Variants in FOXI3 observed in about 807,000 individuals in gnomAD.
The protein encoded by FOXI3 is forkhead box protein I3.
In FOXI3, 4 loss-of-function variants were observed where a neutral mutation model predicts 15.6. That is an observed-to-expected ratio of 0.26 (90% CI 0.13 to 0.59). The LOEUF (loss-of-function observed/expected upper bound fraction) is 0.59, where lower values mean the gene tolerates loss of function less well. Among genes scored for constraint, FOXI3 ranks in the 20% least tolerant of loss-of-function variants. The pLI is 0.90. For missense variants in FOXI3, 489 were observed against 548.2 expected, an observed-to-expected ratio of 0.89 and a Z score of 1.08; for synonymous variants, 238 against 244.4, an observed-to-expected ratio of 0.97 and a Z score of 0.25.
chr2:88,450,454 T>C (rs1244938498), intron 1 of FOXI3, among the ~76,000 whole-genome samples: 1 of 151,908 alleles, frequency 6.6e-6, no homozygotes, highest in Non-Finnish European at 1.5e-5. Flanking sequence ...TCAGCATTCT[T>C]AACTAACCAC....
Position 88,452,563 on chromosome 2 carries a change from G to A in FOXI3, c.-28C>T. On this transcript the variant is annotated 5_prime_UTR_variant, in exon 1 of 2. Coordinates refer to ENST00000428390, the MANE Select transcript of FOXI3 (RefSeq NM_001135649.3). The stretch of plus-strand genomic sequence containing the variant: ...CGGCGGCCGTGGGCGGCTGCGGCGC[G>A]GCCGCGGCGAGGGGCGAGCGGGGCT... The A allele has an allele frequency of 9.3e-7, 1 of 1,073,400 alleles. No homozygotes were observed. The highest frequency in any genetic ancestry group is 4.4e-5 in the South Asian group (1 of 22,890). 66.5% of individuals were successfully genotyped at this position (1,073,400 alleles called of 1,614,324 possible).
At chr2:88,450,441 A>C (rs1166618756) in intron 1 of FOXI3, among the ~76,000 whole-genome samples, 2 of 150,076 alleles carry the variant, frequency 1.3e-5, no homozygotes, top group Non-Finnish European at 3.0e-5. Flanking sequence ...AAAAAAAAAA[A>C]CCTCAGCATT....
Position 88,448,343 on chromosome 2 carries a change from G to C in FOXI3, c.1127C>G (p.Thr376Ser). Reference sequence around the variant, plus strand: ...GCTGTAATAGGAAGATCTCTGGCCGGTGCTATTGCTGGTGCTATTGCTCAG... The same window carrying C: ...GCTGTAATAGGAAGATCTCTGGCCGCTGCTATTGCTGGTGCTATTGCTCAG... ...LQLSNSTSNSTGQRSSYYSPF... is the reference protein window; with the variant it reads ...LQLSNSTSNSSGQRSSYYSPF... The change falls in exon 2 of 2, where the codon ACC (threonine) becomes AGC (serine). Residue 376 changes from threonine (T) to serine (S), a missense_variant. Thr to Ser is a moderately conservative substitution (Grantham distance 58). Around this residue, in one of 3 missense-constraint regions of FOXI3, gnomAD observed 263 missense variants for 285.5 expected, o/e 0.92. Coordinates refer to ENST00000428390, the MANE Select transcript of FOXI3 (RefSeq NM_001135649.3). 6.4e-7 allele frequency: 1 copy of C among 1,551,636 alleles called. No individual in the cohort carries two copies.
At position 88,452,384 on chromosome 2, in the gene FOXI3, T is replaced by A. The variant is rs1676067748; in HGVS notation, c.152A>T (p.Asn51Ile). 1.0e-6 allele frequency: 1 copy of A among 986,854 alleles called. No individual in the cohort carries two copies. 61.1% of individuals were successfully genotyped at this position (986,854 alleles called of 1,614,324 possible). ...GGGCCCGTTGAGCCACAGGTAGGGG[T>A]TGGCGGCGGCGGCCGGCGGCGCGGC... ...DYAAPPAAAA[N>I]PYLWLNGPGV... The change falls in exon 1 of 2, where the codon AAC becomes ATC. Residue 51 changes from asparagine (N) to isoleucine (I), a missense_variant. Coordinates refer to ENST00000428390, the MANE Select transcript of FOXI3 (RefSeq NM_001135649.3).
Position 88,452,590 on chromosome 2 carries a change from G to T in FOXI3, c.-55C>A. 1 of 1,023,560 alleles carries T rather than the reference G, an allele frequency of 9.8e-7. No individual in the cohort carries two copies. The highest frequency in any genetic ancestry group is 1.7e-5 in the African/African-American group (1 of 57,914). The allele number at this position is 1,023,560 out of a possible 1,614,324, so 63.4% of individuals were successfully genotyped here. The stretch of plus-strand genomic sequence containing the variant: ...CCGCGGCGAGGGGCGAGCGGGGCTG[G>T]TCTCGCCGCTCGGGCGAGAGCATCC... On this transcript the variant is annotated 5_prime_UTR_variant, in exon 1 of 2. Coordinates refer to ENST00000428390, the MANE Select transcript of FOXI3 (RefSeq NM_001135649.3).
rs904087444 is a variant in FOXI3, at chr2:88,451,753, G to A, written c.640+143C>T. 1.2e-5 allele frequency: 14 copies of A among 1,209,992 alleles called. No homozygotes were observed. In the African/African-American group the frequency reaches 2.1e-4, roughly 19 times the overall value. 75.0% of individuals were successfully genotyped at this position (1,209,992 alleles called of 1,614,324 possible). On this transcript the variant is annotated intron_variant, in intron 1 of 1. Coordinates refer to ENST00000428390, the MANE Select transcript of FOXI3 (RefSeq NM_001135649.3). Reference sequence around the variant, plus strand: ...CTTCCCTTTGTCCTCTGGGTTGGGTGGTTATTCCTCCATCCGCTCCCACCC... The same window carrying A: ...CTTCCCTTTGTCCTCTGGGTTGGGTAGTTATTCCTCCATCCGCTCCCACCC...
chr2:88,446,944 C>G lies in FOXI3; in HGVS notation c.*1263G>C, dbSNP rs1675947037. The G allele has an allele frequency of 6.6e-6, 1 of 152,220 alleles. No homozygotes were observed. The highest frequency in any genetic ancestry group is 1.5e-5 in the Non-Finnish European group (1 of 68,054). 9.4% of individuals were successfully genotyped at this position (152,220 alleles called of 1,614,324 possible). On this transcript the variant is annotated 3_prime_UTR_variant, in exon 2 of 2. Transcript: ENST00000428390. ...GAAGTTACAAGCACCAGCTCTGGAA[C>G]CAGATTGTCTGGGTCTGATCCTGGC...
In FOXI3 at chr2:88,452,340, A is replaced by C; in HGVS notation, c.196T>G (p.Ser66Ala). 1 of 981,462 alleles carries C rather than the reference A, an allele frequency of 1.0e-6. No homozygotes were observed. Among genetic ancestry groups the C allele is most frequent in the Non-Finnish European group, 1.2e-6 (1 of 829,722 alleles). The allele number at this position is 981,462 out of a possible 1,614,324, so 60.8% of individuals were successfully genotyped here. Residue 66 changes from serine (S) to alanine (A), a missense_variant, in exon 1 of 2, where the codon TCC (serine) becomes GCC (alanine). Ser to Ala is a moderately conservative substitution (Grantham distance 99, BLOSUM62 1). Transcript: ENST00000428390. ...LNGPGVGGPP[S>A]AAAAAAAAYL... ...GCGGCGGCGGCTGCGGCGGCGGCGG[A>C]GGGCGGGCCTCCCACGCCGGGCCCG... is the stretch of plus-strand genomic sequence containing the variant.
In FOXI3 at chr2:88,452,277, C is replaced by T; in HGVS notation, c.259G>A (p.Ala87Thr). 4.1e-6 allele frequency: 4 copies of T among 984,910 alleles called. No homozygotes were observed. Among genetic ancestry groups the T allele is most frequent in the Non-Finnish European group, 4.8e-6 (4 of 831,048 alleles). The allele number at this position is 984,910 out of a possible 1,614,324, so 61.0% of individuals were successfully genotyped here. Reference sequence around the variant, plus strand: ...GGCTGCAGAAAGGGCCCGGCCGCGGCCCCGGGGGGCGGCGGCGGCGGCGGA... The same window carrying T: ...GGCTGCAGAAAGGGCCCGGCCGCGGTCCCGGGGGGCGGCGGCGGCGGCGGA... ...GAPPPPPPPG[A>T]AAGPFLQPPP... The change falls in exon 1 of 2, where the codon GCC becomes ACC. Residue 87 changes from alanine (A) to threonine (T), a missense_variant. Physicochemically the swap from Ala to Thr is moderately conservative, Grantham distance 58. Transcript: ENST00000428390.
At position 88,452,179 on chromosome 2, in the gene FOXI3, C is replaced by T. The variant is rs1045023563; in HGVS notation, c.357G>A (p.Ser119=). 2.3e-6 allele frequency: 3 copies of T among 1,278,636 alleles called. No homozygotes were observed. Among genetic ancestry groups the T allele is most frequent in the Non-Finnish European group, 2.0e-6 (2 of 1,016,226 alleles). 79.2% of individuals were successfully genotyped at this position (1,278,636 alleles called of 1,614,324 possible). ...FAQPAPAAPA[S]PAAPAGPGEL... The stretch of plus-strand genomic sequence containing the variant: ...CCCCGGGCCCCGCGGGCGCGGCGGG[C>T]GAGGCGGGCGCGGCGGGCGCGGGCT... The change falls in exon 1 of 2, where the codon TCG becomes TCA. Residue 119 remains serine (S), a synonymous_variant. Transcript: ENST00000428390.
chr2:88,452,119 G>C lies in FOXI3; in HGVS notation c.417C>G (p.Asp139Glu), dbSNP rs1338033106. 6.4e-7 allele frequency: 1 copy of C among 1,552,044 alleles called. No homozygotes were observed. Among genetic ancestry groups the C allele is most frequent in the Non-Finnish European group, 8.7e-7 (1 of 1,147,900 alleles). ...LGWLSMASRE[D>E]LMKMVRPPYS... ...AGGGCGGCCGCACCATCTTCATCAG[G>C]TCCTCGCGGCTGGCCATGGACAGCC... The change falls in exon 1 of 2, where the codon GAC becomes GAG. Residue 139 changes from aspartate to glutamate, a missense_variant. Asp to Glu is a conservative substitution (Grantham distance 45). Around this residue, in one of 3 missense-constraint regions of FOXI3, gnomAD observed 224 missense variants for 245.7 expected, o/e 0.91. Transcript: ENST00000428390.
In FOXI3 at chr2:88,452,664, G is replaced by A. The variant is rs1041193847; in HGVS notation, c.-129C>T. 4 of 463,502 alleles carry A rather than the reference G, an allele frequency of 8.6e-6. No individual in the cohort carries two copies. The highest frequency in any genetic ancestry group is 4.2e-5 in the African/African-American group (2 of 47,130). 28.7% of individuals were successfully genotyped at this position (463,502 alleles called of 1,614,324 possible). On this transcript the variant is annotated 5_prime_UTR_variant, in exon 1 of 2. Transcript: ENST00000428390. ...CCGCCTTCACCCGCGCTGGGCGCCC[G>A]GTGCTCCGGGCCGGGGTCGGGCGGG... is the stretch of plus-strand genomic sequence containing the variant.
rs753972042 is a variant in FOXI3 at position 88,448,232 on chromosome 2, T to C, written c.1238A>G (p.Tyr413Cys). 9.0e-6 allele frequency: 14 copies of C among 1,551,166 alleles called. No homozygotes were observed. The African/African-American group carries it at 1.2e-4, about 14-fold the overall frequency. ...CTACACCTCGGAGCCCTCTCGGGGG[T>C]AGATGAGGCTGTTCACCATGCTAAA... ...HNFSMVNSLIYPREGSEV is the reference protein window; with the variant it reads ...HNFSMVNSLICPREGSEV The change falls in exon 2 of 2, where the codon TAC (tyrosine) becomes TGC (cysteine). Residue 413 changes from tyrosine to cysteine, a missense_variant. By Grantham distance (194) the Tyr-to-Cys change is radical. This residue lies in a region of FOXI3 where 263 missense variants were observed against 285.5 expected (regional missense o/e 0.92). Transcript: ENST00000428390.
chr2:88,450,748 T>C (rs1676031362), intron 1 of FOXI3, among the ~76,000 whole-genome samples: 1 of 152,124 alleles, frequency 6.6e-6, no homozygotes, highest in African/African-American at 2.4e-5. Flanking sequence ...CAGTAGCCAC[T>C]AGCCACGCAT....
Position 88,448,734 on chromosome 2 carries a change from T to C in FOXI3, c.736A>G (p.Asn246Asp), listed in dbSNP as rs1675992824. 2 of 1,551,972 alleles carry C rather than the reference T, an allele frequency of 1.3e-6. No homozygotes were observed. The highest frequency in any genetic ancestry group is 2.4e-5 in the East Asian group (1 of 40,916). Residue 246 changes from asparagine to aspartate, a missense_variant, in exon 2 of 2, where the codon AAT (asparagine) becomes GAT (aspartate). Coordinates refer to ENST00000428390, the MANE Select transcript of FOXI3 (RefSeq NM_001135649.3). ...GTCCCAGCAGCCACTGTGGAGCCAT[T>C]GCTGGCCTCAGAGCGGCGCTTTCGC... ...RKRKRRSEAS[N>D]GSTVAAGTSK... is the part of the protein sequence containing the mutation.
In FOXI3 at chr2:88,448,213, C is replaced by G. The variant is rs545076721; in HGVS notation, c.1257G>C (p.Glu419Asp). 6.4e-7 allele frequency: 1 copy of G among 1,551,172 alleles called. No individual in the cohort carries two copies. The highest frequency in any genetic ancestry group is 8.7e-7 in the Non-Finnish European group (1 of 1,146,876). The part of the protein sequence containing the change: ...NSLIYPREGS[E>D]V ...TCAAGTCTGAGAGTCTGCTCTACAC[C>G]TCGGAGCCCTCTCGGGGGTAGATGA... The change falls in exon 2 of 2, where the codon GAG (glutamate) becomes GAC (aspartate). Residue 419 changes from glutamate to aspartate, a missense_variant. Physicochemically the swap from Glu to Asp is conservative, Grantham distance 45. Around this residue, in one of 3 missense-constraint regions of FOXI3, gnomAD observed 263 missense variants for 285.5 expected, o/e 0.92. Transcript: ENST00000428390.
rs980777666 is a variant in FOXI3 at position 88,447,840 on chromosome 2, G to A, written c.*367C>T. ...GTTTTCTCACCCAGTAACTTCGTTG[G>A]CTTGTGTTTTTTTAGCCATCTGTAC... On this transcript the variant is annotated 3_prime_UTR_variant, in exon 2 of 2. Transcript: ENST00000428390. The A allele has an allele frequency of 4.6e-6, 1 of 219,650 alleles. No homozygotes were observed. The highest frequency in any genetic ancestry group is 9.1e-6 in the Non-Finnish European group (1 of 109,466). 13.6% of individuals were successfully genotyped at this position (219,650 alleles called of 1,614,324 possible).
chr2:88,448,634 G>C lies in FOXI3; in HGVS notation c.836C>G (p.Ser279Cys). ...VGGKPEEESP[S>C]TLLRPSHSPE... ...GGAGTGGGAAGGCCTCAGCAGAGTG[G>C]AGGGGCTCTCTTCTTCTGGCTTCCC... Residue 279 changes from serine (S) to cysteine (C), a missense_variant, in exon 2 of 2, where the codon TCC (serine) becomes TGC (cysteine). Around this residue, in one of 3 missense-constraint regions of FOXI3, gnomAD observed 263 missense variants for 285.5 expected, o/e 0.92. Coordinates refer to ENST00000428390, the MANE Select transcript of FOXI3 (RefSeq NM_001135649.3). The C allele has an allele frequency of 3.9e-6, 6 of 1,551,730 alleles. No homozygotes were observed. Among genetic ancestry groups the C allele is most frequent in the Non-Finnish European group, 4.4e-6 (5 of 1,146,996 alleles).
chr2:88,451,044 A>T (rs1035034513), intron 1 of FOXI3, among the ~76,000 whole-genome samples: 14 of 152,250 alleles, frequency 9.2e-5, no homozygotes, highest in Admixed American at 1.3e-4. Context: ...AAATGGTTTC[A>T]TCTCTTTTCT....
Sources: gnomAD v4.1 joint callset for allele counts (sites outside exome capture counted in the v4.1 genomes callset) on GRCh38, gnomAD v4.1.1 for gene constraint, gnomAD v4.1.1 regional missense constraint, MANE v1.5 for transcripts, NCBI Gene and HGNC (gene_info 2026-07-23, HGNC 2026-07-21) for gene names.